NUCB2: variants seen among roughly 807,000 people sequenced by gnomAD.
NUCB2 encodes nucleobindin 2.
A neutral mutation model predicts 57.9 loss-of-function variants in NUCB2; 48 were observed. That is an observed-to-expected ratio of 0.83 (90% CI 0.66 to 1.05). NUCB2 has a LOEUF of 1.05. NUCB2 is among the 50% of genes least tolerant of loss of function. NUCB2 has a pLI of 0.00. For synonymous variants in NUCB2, 139 were observed against 152.1 expected, an observed-to-expected ratio of 0.91 and a Z score of 0.64; for missense variants, 442 against 476.2, an observed-to-expected ratio of 0.93 and a Z score of 0.67.
At chr11:17,331,057 A>C (rs1299024273) in intron 13 of NUCB2, 74 bp downstream of exon 13, 5 of 967,086 alleles carry the variant, frequency 5.2e-6, no homozygotes, top group Non-Finnish European at 7.9e-6. Flanking sequence ...TTTATTACAA[A>C]TATAATTTCA....
chr11:17,294,293 C>A (rs890943832), intron 2 of NUCB2, among the ~76,000 whole-genome samples: 1 of 152,076 alleles, frequency 6.6e-6, no homozygotes, highest in Non-Finnish European at 1.5e-5. Flanking sequence ...TTCCTGGCCC[C>A]CACCCCAGAG....
intron 11 of NUCB2, among the ~76,000 whole-genome samples, chr11:17,326,727 A>T (rs1950735336): frequency 6.6e-6 from 1 of 152,118 alleles, no homozygotes; most frequent in South Asian, 2.1e-4. Context: ...TACTTAAGTC[A>T]AGAGAAGTTT....
intron 2 of NUCB2, among the ~76,000 whole-genome samples, chr11:17,344,107 C>T (rs959702235): frequency 6.6e-6 from 1 of 152,160 alleles, no homozygotes; most frequent in African/African-American, 2.4e-5. Flanking sequence ...GGGTCCCTGA[C>T]TCCTTACTCC....
intron 6 of NUCB2, among the ~76,000 whole-genome samples, chr11:17,310,548 G>T (rs1020879403): frequency 6.6e-6 from 1 of 152,170 alleles, no homozygotes; most frequent in Non-Finnish European, 1.5e-5. Flanking sequence ...TCAGGAGGCT[G>T]AGGTGGGATA....
chr11:17,314,173 C>T (rs1304600342), intron 10 of NUCB2, among the ~76,000 whole-genome samples: 17 of 152,082 alleles, frequency 1.1e-4, no homozygotes, highest in Admixed American at 1.1e-3. Flanking sequence ...ATCTATCTTT[C>T]AAACAGATCC....
chr11:17,296,339 T>G (rs1288149240), intron 4 of NUCB2, 128 bp downstream of exon 4: 2 of 454,568 alleles, frequency 4.4e-6, no homozygotes, highest in African/African-American at 4.0e-5. Context: ...CACCTCAGTC[T>G]CTCCAGTAGT....
chr11:17,296,965 A>T (rs1393120219), intron 4 of NUCB2, among the ~76,000 whole-genome samples: 1 of 152,174 alleles, frequency 6.6e-6, no homozygotes, highest in African/African-American at 2.4e-5. Flanking sequence ...AGGTTTAACC[A>T]TTTGACTCTG....
rs1951187021 is a variant in NUCB2, at chr11:17,330,013, G to A, written c.1003-114G>A. The A allele has an allele frequency of 2.0e-6, 1 of 512,678 alleles. No individual in the cohort carries two copies. The highest frequency in any genetic ancestry group is 4.0e-5 in the South Asian group (1 of 25,096). The allele number at this position is 512,678 out of a possible 1,614,324, so 31.8% of individuals were successfully genotyped here. Reference sequence around the variant, plus strand: ...TTTCCCCTTCCTTCTTACCTCCAAAGGCGTAATCCTATAGATACTCTTTTA... The same window carrying A: ...TTTCCCCTTCCTTCTTACCTCCAAAAGCGTAATCCTATAGATACTCTTTTA... On this transcript the variant is annotated intron_variant, in intron 11 of 13. Coordinates refer to ENST00000529010, the MANE Select transcript of NUCB2 (RefSeq NM_005013.4). This position sits in a 1 kb window ranked among gnomAD's most constrained non-coding sequence, Gnocchi z 4.3.
Position 17,330,997 on chromosome 11 carries a change from TTTGA to T in NUCB2, c.1255+17_1255+20del. ...AGTTTGAGCCACGTGTGTAATTTTG[TTTGA>T]TTATTTATTTAGGAAAATAAATTAT... On this transcript the variant is annotated intron_variant, in intron 13 of 13. Coordinates refer to ENST00000529010, the MANE Select transcript of NUCB2 (RefSeq NM_005013.4). This position sits in a 1 kb window ranked among gnomAD's most constrained non-coding sequence, Gnocchi z 4.3. 2.0e-6 allele frequency: 3 copies of T among 1,515,446 alleles called. No individual in the cohort carries two copies. Among genetic ancestry groups the T allele is most frequent in the East Asian group, 2.3e-5 (1 of 43,918 alleles). The allele number at this position is 1,515,446 out of a possible 1,614,324, so 93.9% of individuals were successfully genotyped here.
chr11:17,325,056 G>A (rs1950505810), intron 11 of NUCB2, among the ~76,000 whole-genome samples: 1 of 152,122 alleles, frequency 6.6e-6, no homozygotes, highest in Non-Finnish European at 1.5e-5. Flanking sequence ...ACCCACTTCA[G>A]CCTTCCAAAG....
intron 1 of NUCB2, among the ~76,000 whole-genome samples, chr11:17,279,061 C>T (rs892937701): frequency 2.0e-5 from 3 of 152,142 alleles, no homozygotes; most frequent in Non-Finnish European, 4.4e-5. Flanking sequence ...GACGTAGTGG[C>T]GGGCATCTGT....
At chr11:17,280,155 AAG>A (rs1237953554) in intron 1 of NUCB2, among the ~76,000 whole-genome samples, 29 of 152,272 alleles carry the variant, frequency 1.9e-4, no homozygotes, top group Admixed American at 2.6e-4. Context: ...GTAAATAATA[AAG>A]AGATTATAAT....
Position 17,288,880 on chromosome 11 carries a change from T to TACACACAC in NUCB2, c.-1+5938_-1+5939insCACACACA, listed in dbSNP as rs775443519. On this transcript the variant is annotated intron_variant, in intron 2 of 13. Coordinates refer to ENST00000529010, the MANE Select transcript of NUCB2 (RefSeq NM_005013.4). The stretch of plus-strand genomic sequence containing the variant: ...CTTAAAGTCTATTTAATAACATGTA[T>TACACACAC]ATACACACACACACACACACACACA... Among the ~76,000 whole-genome samples, 104 of 67,496 alleles carry TACACACAC rather than the reference T, an allele frequency of 1.5e-3. 15 individuals are homozygous for TACACACAC. Among genetic ancestry groups the TACACACAC allele is most frequent in the East Asian group, 3.1e-3 (7 of 2,230 alleles). 44.3% of individuals were successfully genotyped at this position (67,496 alleles called of 152,430 possible). A position where few individuals can be genotyped will look rare whatever the true frequency, so the allele number is the denominator to read the frequency against.
downstream of NUCB2, among the ~76,000 whole-genome samples, chr11:17,335,779 C>T (rs926135786): frequency 6.6e-6 from 1 of 151,932 alleles, no homozygotes; most frequent in Non-Finnish European, 1.5e-5. Flanking sequence ...GGATTACAGG[C>T]GTGAGCCACC....
At chr11:17,326,130 A>C (rs192377364) in intron 11 of NUCB2, among the ~76,000 whole-genome samples, 106 of 151,194 alleles carry the variant, frequency 7.0e-4, no homozygotes, top group Non-Finnish European at 1.4e-3. Context: ...CCTCCCAAAT[A>C]GCTGGGATTA....
At chr11:17,297,182 A>G (rs1945954277) in intron 4 of NUCB2, among the ~76,000 whole-genome samples, 1 of 152,198 alleles carries the variant, frequency 6.6e-6, no homozygotes, top group Non-Finnish European at 1.5e-5. Flanking sequence ...GTCTCCTAAG[A>G]TAATTTTGTT....
intron 10 of NUCB2, among the ~76,000 whole-genome samples, chr11:17,313,773 C>T (rs1056147746): frequency 6.6e-6 from 1 of 152,122 alleles, no homozygotes; most frequent in Non-Finnish European, 1.5e-5. Flanking sequence ...ATACCTCACT[C>T]TCTCTTCTTT....
intron 5 of NUCB2, among the ~76,000 whole-genome samples, chr11:17,302,771 G>A (rs12361363): frequency 1.9e-4 from 27 of 145,232 alleles, no homozygotes; most frequent in African/African-American, 6.4e-4. Flanking sequence ...ATGGAGTCTC[G>A]CTCTGTCGCC....
intron 10 of NUCB2, among the ~76,000 whole-genome samples, chr11:17,313,139 A>G (rs1230188260): frequency 6.6e-6 from 1 of 151,974 alleles, no homozygotes; most frequent in Admixed American, 6.6e-5. Flanking sequence ...TTTGATCCAG[A>G]TTATTATACT....
Sources: allele counts gnomAD v4.1 joint callset (sites outside exome capture counted in the v4.1 genomes callset), GRCh38; gene constraint gnomAD v4.1.1; non-coding constraint Gnocchi (gnomAD v3.1); transcripts MANE v1.5; gene names NCBI Gene and HGNC (gene_info 2026-07-23, HGNC 2026-07-21).